BMX: variants seen among roughly 807,000 people sequenced by gnomAD.
The protein encoded by BMX is BMX non-receptor tyrosine kinase, also known as cytoplasmic tyrosine-protein kinase BMX.
Under a neutral mutation model 59.2 loss-of-function variants are expected in BMX, and 31 were observed. That is an observed-to-expected ratio of 0.52 (90% CI 0.39 to 0.71). The LOEUF (loss-of-function observed/expected upper bound fraction) is 0.71. BMX is among the 30% of genes least tolerant of loss of function. The probability of loss-of-function intolerance (pLI) is 0.00; values close to 1 mark genes in which losing one functional copy is unlikely to be tolerated. For synonymous variants in BMX, 185 were observed against 181.0 expected (o/e 1.02, Z -0.18); for missense variants, 474 against 491.7 (o/e 0.96, Z 0.34).
intron 1 of BMX, chrX:15,507,200 C>A: frequency 3.0e-6 from 1 of 338,937 alleles, no homozygotes; most frequent in Non-Finnish European, 3.9e-6. Context: ...TCGCTTGGCG[C>A]CCGCCTCCAT....
chrX:15,531,446 G>T (rs201185820), intron 11 of BMX, 39 bp downstream of exon 11: 1 of 1,061,164 alleles, frequency 9.4e-7, no homozygotes, highest in Non-Finnish European at 1.3e-6. Context: ...CTCTTTCTGC[G>T]TATATTCTTT....
chrX:15,547,045 G>A lies in BMX; in HGVS notation c.1795+124G>A, dbSNP rs1205393818. On this transcript the variant is annotated intron_variant, in intron 17 of 18. Coordinates refer to ENST00000348343, the MANE Select transcript of BMX (RefSeq NM_203281.3). ...GAACACTTACGAAGTTACACATATA[G>A]CCTGAGAGAAGCAAGCTGTTGAAGA... 7.6e-6 allele frequency: 4 copies of A among 524,575 alleles called. No homozygotes were observed. The African/African-American group carries it at 9.5e-5, about 12-fold the overall frequency. 43.2% of individuals were successfully genotyped at this position (524,575 alleles called of 1,213,427 possible). A position where few individuals can be genotyped will look rare whatever the true frequency, so the allele number is the denominator to read the frequency against.
chrX:15,513,837 A>G (rs762566683), intron 4 of BMX, among the ~76,000 whole-genome samples: 2 of 111,884 alleles, frequency 1.8e-5, no homozygotes, highest in South Asian at 7.5e-4. Context: ...CTATTTATTA[A>G]GCTTGTGAAG....
chrX:15,544,474 T>A (rs781158484), intron 16 of BMX, among the ~76,000 whole-genome samples: 1 of 111,488 alleles, frequency 9.0e-6, no homozygotes, highest in Non-Finnish European at 1.9e-5. Flanking sequence ...AGGGAACTGA[T>A]CCCCACCTTT....
chrX:15,530,145 G>C (rs940937664), intron 10 of BMX, 118 bp downstream of exon 10: 53 of 706,628 alleles, frequency 7.5e-5, no homozygotes, highest in Middle Eastern at 7.6e-4. Flanking sequence ...TCATTGTAGT[G>C]TTGCTTGTCC....
Position 15,508,454 on chromosome X carries a change from C to G in BMX, c.101C>G (p.Thr34Ser). Residue 34 changes from threonine (T) to serine (S), a missense_variant, in exon 2 of 19, where the codon ACC becomes AGC. Coordinates refer to ENST00000348343, the MANE Select transcript of BMX (RefSeq NM_203281.3). The part of the protein sequence containing the change: ...NNYKERLFVL[T>S]KTNLSYYEYD... Reference sequence around the variant, plus strand: ...TACAAAGAACGGCTTTTTGTTTTGACCAAAACAAACCTTTCCTACTATGAA... The same window carrying G: ...TACAAAGAACGGCTTTTTGTTTTGAGCAAAACAAACCTTTCCTACTATGAA... The G allele has an allele frequency of 3.4e-6, 4 of 1,185,026 alleles. No homozygotes were observed. Among genetic ancestry groups the G allele is most frequent in the Non-Finnish European group, 4.5e-6 (4 of 882,549 alleles).
At chrX:15,535,999 T>C (rs1490205223) in intron 12 of BMX, among the ~76,000 whole-genome samples, 1 of 112,144 alleles carries the variant, frequency 8.9e-6, no homozygotes, top group Non-Finnish European at 1.9e-5. Context: ...CTGTATTGTT[T>C]GAATTTTTTG....
intron 7 of BMX, among the ~76,000 whole-genome samples, chrX:15,524,019 A>G (rs1302295200): frequency 8.9e-6 from 1 of 112,423 alleles, no homozygotes; most frequent in African/African-American, 3.2e-5. Context: ...TGCAGCCATG[A>G]TTCTTATCTC....
In BMX at chrX:15,530,036, T is replaced by C. The variant is rs772035881; in HGVS notation, c.939+9T>C. The C allele has an allele frequency of 2.5e-6, 3 of 1,199,395 alleles. No homozygotes were observed. Among genetic ancestry groups the C allele is most frequent in the Admixed American group, 2.2e-5 (1 of 45,641 alleles). ...AGTTACTCAGACAAAAGGTAAATAG[T>C]CTTGTCTTTAAAACAGCCTCACAGA... is the stretch of plus-strand genomic sequence containing the variant. On this transcript the variant is annotated intron_variant, in intron 10 of 18. Coordinates refer to ENST00000348343, the MANE Select transcript of BMX (RefSeq NM_203281.3).
At chrX:15,539,228 A>G (rs1379380274) in intron 14 of BMX, among the ~76,000 whole-genome samples, 1 of 110,956 alleles carries the variant, frequency 9.0e-6, no homozygotes, top group East Asian at 2.8e-4. Context: ...ACTTTAAAAC[A>G]TATTTTTGCC....
rs1601661260 is a variant in BMX, at chrX:15,541,850, C to G, written c.1395-132C>G. ...AATATAAGATCCTAAACTTTTCCCT[C>G]TCTTTCTCTGTTCAAGTGAAAGAGG... is the stretch of plus-strand genomic sequence containing the variant. On this transcript the variant is annotated intron_variant, in intron 14 of 18. Transcript: ENST00000348343. 7.7e-5 allele frequency: 48 copies of G among 626,361 alleles called. No individual in the cohort carries two copies. The East Asian group carries it at 1.6e-3, about 21-fold the overall frequency. 51.6% of individuals were successfully genotyped at this position (626,361 alleles called of 1,213,427 possible).
intron 14 of BMX, among the ~76,000 whole-genome samples, chrX:15,538,112 G>A (rs944931419): frequency 3.6e-5 from 4 of 110,672 alleles, no homozygotes; most frequent in Middle Eastern, 4.3e-3. Context: ...ATACATATGT[G>A]TTCTCTTTCC....
At chrX:15,529,451 C>T (rs1402933355) in intron 9 of BMX, among the ~76,000 whole-genome samples, 1 of 112,487 alleles carries the variant, frequency 8.9e-6, no homozygotes, top group African/African-American at 3.2e-5. Context: ...CTAAGTAGGA[C>T]ATTCTGTCTA....
At position 15,534,318 on chromosome X, in the gene BMX, TATC is replaced by T; in HGVS notation, c.1131_1133del (p.His377del). The T allele has an allele frequency of 8.4e-7, 1 of 1,187,308 alleles. No homozygotes were observed. The highest frequency in any genetic ancestry group is 1.1e-6 in the Non-Finnish European group (1 of 885,436). On this transcript the variant is annotated inframe_deletion, in exon 12 of 19. Transcript: ENST00000348343. Reference sequence around the variant, plus strand: ...TGATTCCATTCCAAAGCTTATTCATTATCATCAACACAATTCAGCAGGTAACTT... The same window carrying T: ...TGATTCCATTCCAAAGCTTATTCATTATCAACACAATTCAGCAGGTAACTT...
intron 4 of BMX, among the ~76,000 whole-genome samples, chrX:15,515,271 A>G (rs1222228496): frequency 1.8e-5 from 2 of 110,316 alleles, no homozygotes; most frequent in Non-Finnish European, 3.8e-5. Context: ...ATCCCTATGT[A>G]ACAAACCTGC....
At chrX:15,525,590 A>G (rs771684793) in intron 8 of BMX, among the ~76,000 whole-genome samples, 174 of 111,960 alleles carry the variant, frequency 1.6e-3, no homozygotes, top group Non-Finnish European at 2.8e-3. Flanking sequence ...CACCAGTAGT[A>G]GCACCAACAT....
chrX:15,534,082 C>G, intron 11 of BMX, 130 bp from the exon 12 acceptor site: 1 of 519,518 alleles, frequency 1.9e-6, no homozygotes. Flanking sequence ...ACACCAGATG[C>G]CAAGCCTGAG....
At chrX:15,509,490 C>G in intron 3 of BMX, 57 bp downstream of exon 3, 1 of 783,734 alleles carries the variant, frequency 1.3e-6, no homozygotes, top group South Asian at 2.8e-5. Context: ...ATTTTTCTAT[C>G]GTGAACTCAA....
rs1362418925 is a variant in BMX at position 15,508,560 on chromosome X, G to A, written c.138+69G>A. On this transcript the variant is annotated intron_variant, in intron 2 of 18. Transcript: ENST00000348343. ...TTTCCTAAGTCTCCACAAAGTACTT[G>A]ATCATAATGAAAGAATATCAGGTTT... The A allele has an allele frequency of 9.2e-6, 8 of 872,172 alleles. No individual in the cohort carries two copies. The East Asian group carries it at 2.5e-4, about 27-fold the overall frequency. The allele number at this position is 872,172 out of a possible 1,213,427, so 71.9% of individuals were successfully genotyped here.
Sources: allele counts gnomAD v4.1 joint callset (sites outside exome capture counted in the v4.1 genomes callset), GRCh38; gene constraint gnomAD v4.1.1; transcripts MANE v1.5; gene names NCBI Gene and HGNC (gene_info 2026-07-23, HGNC 2026-07-21).